The following MICAL3 variants were observed in gnomAD, a reference collection of about 807,000 sequenced individuals.
MICAL3 encodes the protein [F-actin]-monooxygenase MICAL3.
MICAL3 carries 62 observed loss-of-function variants against 207.4 expected under a neutral mutation model. That is an observed-to-expected ratio of 0.30 (90% CI 0.24 to 0.37). The LOEUF (loss-of-function observed/expected upper bound fraction) is 0.37. Among genes scored for constraint, MICAL3 ranks in the 10% least tolerant of loss-of-function variants. The probability of loss-of-function intolerance (pLI) is 1.00; values close to 1 mark genes in which losing one functional copy is unlikely to be tolerated. For missense variants in MICAL3, 2,368 were observed against 2,635.6 expected (o/e 0.90, Z 2.22); for synonymous variants, 1,077 against 1,069.3 (o/e 1.01, Z -0.14).
chr22:17,915,881 G>A (rs1932466837), intron 1 of MICAL3, among the ~76,000 whole-genome samples: 1 of 151,730 alleles, frequency 6.6e-6, no homozygotes, highest in African/African-American at 2.4e-5. Flanking sequence ...TGCTTCAGAA[G>A]GAGTTCAAAA....
rs181238076 is a variant in MICAL3, at chr22:17,971,325, G to A, written c.-75+52956C>T. On this transcript the variant is annotated intron_variant, in intron 1 of 31. Transcript: ENST00000441493. ...TCTACTAAAATACAAAAAATTAGCT[G>A]GGCATGGTGTTGTGTGTCTGTAATC... 9.9e-5 allele frequency among the ~76,000 whole-genome samples: 15 copies of A among 152,208 alleles called. No individual in the cohort carries two copies. In the East Asian group the frequency reaches 1.7e-3, roughly 18 times the overall value.
intron 1 of MICAL3, among the ~76,000 whole-genome samples, chr22:18,020,790 T>C (rs1924421528): frequency 6.6e-6 from 1 of 151,668 alleles, no homozygotes; most frequent in Admixed American, 6.6e-5. Context: ...GGTGGGCACC[T>C]GTGGTCCCAG....
intron 16 of MICAL3, chr22:17,884,220 G>C: frequency 7.9e-7 from 1 of 1,262,944 alleles, no homozygotes; most frequent in Non-Finnish European, 1.1e-6. Context: ...CTCAGGAGGA[G>C]GGGTAGGAAG....
In MICAL3 at chr22:17,899,465, T is replaced by G; in HGVS notation, c.931A>C (p.Lys311Gln). Residue 311 changes from lysine to glutamine, a missense_variant, in exon 7 of 32, where the codon AAA becomes CAA. Around this residue, in one of 4 missense-constraint regions of MICAL3, gnomAD observed 400 missense variants for 547.0 expected, o/e 0.73. Transcript: ENST00000441493. ...MTAKKQSLLD[K>Q]GVILHDYADT... ...TGGCTCACATGTAGTATCACTCCTT[T>G]GTCCAGCAAACTCTGCTTTTTGGCT... The G allele has an allele frequency of 1.2e-6, 2 of 1,606,886 alleles. No homozygotes were observed. The highest frequency in any genetic ancestry group is 1.7e-6 in the Non-Finnish European group (2 of 1,175,234).
chr22:17,870,572 C>G (rs75363527), intron 17 of MICAL3, among the ~76,000 whole-genome samples: 1 of 152,226 alleles, frequency 6.6e-6, no homozygotes, highest in East Asian at 1.9e-4. Flanking sequence ...ATCTTCTTTC[C>G]GGGCAGACTC....
At chr22:18,011,920 AAAT>A (rs1923764437) in intron 1 of MICAL3, among the ~76,000 whole-genome samples, 1 of 150,018 alleles carries the variant, frequency 6.7e-6, no homozygotes, top group African/African-American at 2.4e-5. Flanking sequence ...TAAAATAAAT[AAAT>A]AATAAAAAAT....
At chr22:17,804,036 A>G (rs1018726434) in intron 29 of MICAL3, among the ~76,000 whole-genome samples, 1 of 152,184 alleles carries the variant, frequency 6.6e-6, no homozygotes, top group Non-Finnish European at 1.5e-5. Context: ...TGCATCACAT[A>G]CTGCATGTCC....
chr22:18,006,729 A>T (rs1413528042), intron 1 of MICAL3: 3 of 152,288 alleles, frequency 2.0e-5, no homozygotes, highest in Admixed American at 2.0e-4. Context: ...GCTACTGGGG[A>T]GGCTGAGGCA....
At chr22:17,904,260 T>G (rs930528877) in intron 3 of MICAL3, among the ~76,000 whole-genome samples, 2 of 152,244 alleles carry the variant, frequency 1.3e-5, no homozygotes, top group Non-Finnish European at 2.9e-5. Flanking sequence ...TGTGTACTTC[T>G]GCCACTGCAA....
At chr22:17,852,968 A>G (rs2146105495) in intron 19 of MICAL3, among the ~76,000 whole-genome samples, 1 of 152,042 alleles carries the variant, frequency 6.6e-6, no homozygotes, top group African/African-American at 2.4e-5. Context: ...CCAGCTACTC[A>G]GGAGACTGGG....
chr22:17,975,965 G>A (rs996392218), intron 1 of MICAL3, among the ~76,000 whole-genome samples: 3 of 152,008 alleles, frequency 2.0e-5, no homozygotes, highest in South Asian at 2.1e-4. Flanking sequence ...CAGGAGAATC[G>A]CTAGAACCGG....
chr22:17,871,705 A>C lies in MICAL3; in HGVS notation c.2428+132T>G, dbSNP rs118105435. On this transcript the variant is annotated intron_variant, in intron 17 of 31. Coordinates refer to ENST00000441493, the MANE Select transcript of MICAL3 (RefSeq NM_015241.3). ...GAGTGATGGAGGGAGAGGGGCAAGA[A>C]AGGCTGGGAGAGGCATGATGGAAAA... The C allele has an allele frequency of 6.1e-4, 467 of 762,294 alleles. 6 individuals carry two copies. The East Asian group carries it at 0.013, about 21-fold the overall frequency. 47.2% of individuals were successfully genotyped at this position (762,294 alleles called of 1,614,324 possible).
chr22:17,862,304 G>A (rs1299108985), intron 19 of MICAL3: 2 of 932,062 alleles, frequency 2.1e-6, no homozygotes, highest in African/African-American at 1.8e-5. Flanking sequence ...CATCAGGCTG[G>A]AGTGCAGTGG....
intron 1 of MICAL3, among the ~76,000 whole-genome samples, chr22:17,977,023 A>T (rs145489586): frequency 6.6e-6 from 1 of 151,878 alleles, no homozygotes; most frequent in Admixed American, 6.6e-5. Flanking sequence ...AGCCAGGATG[A>T]TCTCGATCTG....
chr22:17,798,930 C>T (rs942265208), intron 29 of MICAL3, among the ~76,000 whole-genome samples: 2 of 152,088 alleles, frequency 1.3e-5, no homozygotes, highest in African/African-American at 4.8e-5. Context: ...GCCTCGGCCT[C>T]CCAAAGTGCT....
rs1192820921 is a variant in MICAL3, at chr22:17,906,767, A to G, written c.46T>C (p.Phe16Leu). The G allele has an allele frequency of 6.2e-7, 1 of 1,613,626 alleles. No individual in the cohort carries two copies. The highest frequency in any genetic ancestry group is 1.1e-5 in the South Asian group (1 of 91,028). Residue 16 changes from phenylalanine (F) to leucine (L), a missense_variant, in exon 2 of 32, where the codon TTT (phenylalanine) becomes CTT (leucine). This residue lies in a region of MICAL3 where 400 missense variants were observed against 547.0 expected (regional missense o/e 0.73). Coordinates refer to ENST00000441493, the MANE Select transcript of MICAL3 (RefSeq NM_015241.3). ...GTGGTGGCCTGGACAAACCGGTCAA[A>G]GAGGACATGAGCTGGGTTCATGGTC... ...HETMNPAHVL[F>L]DRFVQATTCK... is the part of the protein sequence containing the mutation.
At chr22:18,000,353 A>G (rs188386118) in intron 1 of MICAL3, among the ~76,000 whole-genome samples, 51 of 152,374 alleles carry the variant, frequency 3.3e-4, no homozygotes, top group African/African-American at 1.2e-3. Context: ...ACACCATTAA[A>G]AGAACACAAA....
Position 17,827,784 on chromosome 22 carries a change from A to G in MICAL3, c.3056-3T>C. Reference sequence around the variant, plus strand: ...CTGCTGGAGCCTCTGGTTCCCGGCTAGTGTCCCAGGGTCAAGGGGTGGAGA... The same window carrying G: ...CTGCTGGAGCCTCTGGTTCCCGGCTGGTGTCCCAGGGTCAAGGGGTGGAGA... On this transcript the variant is annotated splice_region_variant and splice_polypyrimidine_tract_variant and intron_variant, in intron 21 of 31. Transcript: ENST00000441493. 1 of 1,546,682 alleles carries G rather than the reference A, an allele frequency of 6.5e-7. No homozygotes were observed. The highest frequency in any genetic ancestry group is 8.7e-7 in the Non-Finnish European group (1 of 1,144,626).
At chr22:17,791,432 C>A in intron 29 of MICAL3, 131 bp from the exon 30 acceptor site, 1 of 778,652 alleles carries the variant, frequency 1.3e-6, no homozygotes, top group Non-Finnish European at 2.1e-6. Flanking sequence ...AAGCCAGGCC[C>A]AAGGTTTGCC....
Sources: allele counts gnomAD v4.1 joint callset (sites outside exome capture counted in the v4.1 genomes callset), GRCh38; gene constraint gnomAD v4.1.1; regional missense constraint gnomAD v4.1.1; transcripts MANE v1.5; gene names NCBI Gene and HGNC (gene_info 2026-07-23, HGNC 2026-07-21).